Variants in MGAM observed in about 807,000 individuals in gnomAD.
MGAM encodes maltase-glucoamylase.
In MGAM, 253 loss-of-function variants were observed where a neutral mutation model predicts 358.8. That is an observed-to-expected ratio of 0.71 (90% confidence interval 0.64 to 0.78). The LOEUF (loss-of-function observed/expected upper bound fraction) is 0.78, where lower values mean the gene tolerates loss of function less well. Ranked by LOEUF, MGAM falls within the 30% of genes least tolerant of loss-of-function variation. MGAM has a pLI of 0.00. For synonymous variants in MGAM, 1,105 were observed against 1,227.1 expected, an observed-to-expected ratio of 0.90 and a Z score of 2.08; for missense variants, 3,080 against 3,432.6, an observed-to-expected ratio of 0.90 and a Z score of 2.57.
Position 142,065,944 on chromosome 7 carries a change from T to A in MGAM, c.4770+113T>A, listed in dbSNP as rs4276596. The A allele has an allele frequency of 7.8e-6, 6 of 772,922 alleles. 1 individual carries two copies. In the Admixed American group the frequency reaches 2.1e-4, roughly 27 times the overall value. 47.9% of individuals were successfully genotyped at this position (772,922 alleles called of 1,614,324 possible). On this transcript the variant is annotated intron_variant, in intron 40 of 70. Transcript: ENST00000475668. Reference sequence around the variant, plus strand: ...CCTGGGATATCTTTAAAAAAAGGTGTTTTTTTTTGTTTTGTTTTGTTTTGT... The same window carrying A: ...CCTGGGATATCTTTAAAAAAAGGTGATTTTTTTTGTTTTGTTTTGTTTTGT...
At chr7:142,028,959 C>T (rs1362427481) in intron 10 of MGAM, among the ~76,000 whole-genome samples, 2 of 152,156 alleles carry the variant, frequency 1.3e-5, no homozygotes, top group African/African-American at 4.8e-5. Flanking sequence ...ACAATTAACA[C>T]AGCCACCATA....
At chr7:142,051,533 TA>T (rs1810951094) in intron 24 of MGAM, among the ~76,000 whole-genome samples, 1 of 152,118 alleles carries the variant, frequency 6.6e-6, no homozygotes, top group African/African-American at 2.4e-5. Flanking sequence ...GAAAACTATA[TA>T]GAAAAATATT....
chr7:142,076,937 A>G, intron 47 of MGAM, 111 bp downstream of exon 47: 1 of 1,236,682 alleles, frequency 8.1e-7, no homozygotes, highest in Non-Finnish European at 1.2e-6. Context: ...CCTTTGATGC[A>G]TGTTTTGGGG....
chr7:142,019,367 T>C, intron 4 of MGAM, 48 bp downstream of exon 4: 1 of 1,596,578 alleles, frequency 6.3e-7, no homozygotes, highest in Non-Finnish European at 8.5e-7. Context: ...CCTCTGGAGG[T>C]TGACTCTGTA....
At chr7:142,056,549 G>A (rs527959348) in intron 29 of MGAM, among the ~76,000 whole-genome samples, 1 of 151,964 alleles carries the variant, frequency 6.6e-6, no homozygotes, top group Non-Finnish European at 1.5e-5. Flanking sequence ...AACCTGAACA[G>A]GTATCTCTTT....
intron 21 of MGAM, among the ~76,000 whole-genome samples, chr7:142,044,471 TATATA>T (rs1323594680): frequency 1.5e-5 from 2 of 137,162 alleles, no homozygotes; most frequent in African/African-American, 5.2e-5. Context: ...CGATATATGA[TATATA>T]ATGTATATTA....
intron 47 of MGAM, 139 bp from the exon 48 acceptor site, chr7:142,078,179 G>A: frequency 1.4e-6 from 1 of 696,888 alleles, no homozygotes; most frequent in Non-Finnish European, 2.2e-6. Context: ...ATAAGCTAAA[G>A]TGATATGTTG....
chr7:142,032,826 A>T lies in MGAM; in HGVS notation c.1586A>T (p.Asp529Val), dbSNP rs1554464296. 1.2e-6 allele frequency: 2 copies of T among 1,605,674 alleles called. No individual in the cohort carries two copies. The highest frequency in any genetic ancestry group is 2.2e-5 in the East Asian group (1 of 44,658). The change falls in exon 14 of 71, where the codon GAT becomes GTT. Residue 529 changes from aspartate to valine, a missense_variant and splice_region_variant. By Grantham distance (152) the Asp-to-Val change is radical. Around this residue, in one of 5 missense-constraint regions of MGAM, gnomAD observed 1,816 missense variants for 1,840.5 expected, o/e 0.99. Coordinates refer to ENST00000475668, the MANE Select transcript of MGAM (RefSeq NM_001365693.1). Reference sequence around the variant, plus strand: ...TAGTTTTTGCTCTTTGTCTTGTAGGATATGAATGAAGTCTCCAACTTTGTT... The same window carrying T: ...TAGTTTTTGCTCTTTGTCTTGTAGGTTATGAATGAAGTCTCCAACTTTGTT... ...NQVEFDGIWI[D>V]MNEVSNFVDG...
intron 13 of MGAM, among the ~76,000 whole-genome samples, chr7:142,032,072 A>C (rs1807553943): frequency 6.8e-6 from 1 of 147,694 alleles, no homozygotes; most frequent in Non-Finnish European, 1.5e-5. Context: ...AATGAGCTGA[A>C]GTCAGAATAG....
chr7:142,021,199 C>T, intron 5 of MGAM, 116 bp downstream of exon 5: 1 of 688,172 alleles, frequency 1.5e-6, no homozygotes, highest in Non-Finnish European at 2.4e-6. Context: ...TTCTATATTG[C>T]TATTATTAAT....
chr7:142,022,242 T>C (rs1348134378), intron 6 of MGAM, 26 bp from the exon 7 acceptor site: 3 of 1,580,196 alleles, frequency 1.9e-6, no homozygotes, highest in Non-Finnish European at 2.6e-6. Context: ...TGCTCACCCA[T>C]CCTTGTGTTC....
chr7:142,044,077 A>G lies in MGAM; in HGVS notation c.2498+3231A>G, dbSNP rs1385669640. ...TATATACACATACGACGTATAATAC[A>G]TTATATACACATACGACGTATAATA... On this transcript the variant is annotated intron_variant, in intron 21 of 70. Transcript: ENST00000475668. Among the ~76,000 whole-genome samples the G allele has an allele frequency of 2.5e-4, 36 of 142,902 alleles. 1 individual carries two copies. In the East Asian group the frequency reaches 6.5e-3, roughly 26 times the overall value. 93.7% of individuals were successfully genotyped at this position (142,902 alleles called of 152,430 possible). A position where few individuals can be genotyped will look rare whatever the true frequency, so the allele number is the denominator to read the frequency against.
intron 27 of MGAM, 117 bp downstream of exon 27, chr7:142,055,025 G>A: frequency 2.6e-6 from 3 of 1,147,298 alleles, no homozygotes; most frequent in Non-Finnish European, 3.7e-6. Flanking sequence ...CCAGATCCAT[G>A]GATGAGTTGT....
upstream of MGAM, among the ~76,000 whole-genome samples, chr7:141,993,875 A>T (rs1480113115): frequency 6.6e-6 from 1 of 152,222 alleles, no homozygotes; most frequent in Non-Finnish European, 1.5e-5. Flanking sequence ...GTCATTAAAG[A>T]GGCACAAACT....
intron 21 of MGAM, among the ~76,000 whole-genome samples, chr7:142,042,814 A>C (rs1477513443): frequency 1.7e-5 from 1 of 59,088 alleles, no homozygotes; most frequent in African/African-American, 5.6e-5. Flanking sequence ...TCTAAATATA[A>C]TATCTAAATA....
intron 24 of MGAM, 94 bp from the exon 25 acceptor site, chr7:142,052,200 A>G (rs1811043630): frequency 9.1e-7 from 1 of 1,096,878 alleles, no homozygotes; most frequent in African/African-American, 1.8e-5. Context: ...GTCTGGTCTA[A>G]TTTCTATTTT....
upstream of MGAM, among the ~76,000 whole-genome samples, chr7:141,994,192 G>T (rs1554447912): frequency 1.3e-5 from 2 of 152,174 alleles, no homozygotes; most frequent in Non-Finnish European, 2.9e-5. Context: ...TTAATTCTAA[G>T]AGGGGTTTAT....
At chr7:142,005,941 T>C (rs1805123108) in intron 2 of MGAM, among the ~76,000 whole-genome samples, 1 of 152,020 alleles carries the variant, frequency 6.6e-6, no homozygotes, top group African/African-American at 2.4e-5. Flanking sequence ...CTAAGAATGA[T>C]AATTAACAAT....
At chr7:142,102,173 A>G (rs1010889996) in intron 68 of MGAM, among the ~76,000 whole-genome samples, 4 of 152,114 alleles carry the variant, frequency 2.6e-5, no homozygotes, top group African/African-American at 9.7e-5. Context: ...TTTGCCTAAT[A>G]CCTCAAGATA....
Sources: allele counts gnomAD v4.1 joint callset (sites outside exome capture counted in the v4.1 genomes callset), GRCh38; gene constraint gnomAD v4.1.1; regional missense constraint gnomAD v4.1.1; transcripts MANE v1.5; gene names NCBI Gene and HGNC (gene_info 2026-07-23, HGNC 2026-07-21).